MYO9A: variants seen among roughly 807,000 people sequenced by gnomAD.
MYO9A encodes myosin IXA.
A neutral mutation model predicts 293.3 loss-of-function variants in MYO9A; 103 were observed. The observed-to-expected ratio is 0.35, with a 90% CI of 0.30 to 0.41. The LOEUF (loss-of-function observed/expected upper bound fraction) is 0.41, where lower values mean the gene tolerates loss of function less well. MYO9A is among the 10% of genes least tolerant of loss of function. The probability of loss-of-function intolerance (pLI) is 1.00; values close to 1 mark genes in which losing one functional copy is unlikely to be tolerated. For synonymous variants in MYO9A, 1,001 were observed against 1,035.7 expected, an observed-to-expected ratio of 0.97 and a Z score of 0.64; for missense variants, 2,685 against 3,033.0, an observed-to-expected ratio of 0.89 and a Z score of 2.69.
chr15:71,901,546 C>G (rs56082949), intron 22 of MYO9A, among the ~76,000 whole-genome samples: 1 of 151,724 alleles, frequency 6.6e-6, no homozygotes, highest in Non-Finnish European at 1.5e-5. Flanking sequence ...GGAAGGTGAG[C>G]TGGGTGTGGT....
chr15:71,977,759 C>T (rs1163146370), intron 12 of MYO9A, among the ~76,000 whole-genome samples: 3 of 152,120 alleles, frequency 2.0e-5, no homozygotes, highest in Admixed American at 6.5e-5. Flanking sequence ...AAATTGTGGC[C>T]ACACGCGGTG....
In MYO9A at chr15:71,850,697, C is replaced by T. The variant is rs192904825; in HGVS notation, c.6582-530G>A. ...AGGAGAATCACTTGAACCGGGGAGGCGGAGGTTGCAGTGAGCTGAGATTGC... is the reference window on the plus strand; with the variant it reads ...AGGAGAATCACTTGAACCGGGGAGGTGGAGGTTGCAGTGAGCTGAGATTGC... On this transcript the variant is annotated intron_variant, in intron 37 of 41. Coordinates refer to ENST00000356056, the MANE Select transcript of MYO9A (RefSeq NM_006901.4). Among the ~76,000 whole-genome samples, 24 of 128,524 alleles carry T rather than the reference C, an allele frequency of 1.9e-4. No homozygotes were observed. In the East Asian group the frequency reaches 5.5e-3, roughly 29 times the overall value. 84.3% of individuals were successfully genotyped at this position (128,524 alleles called of 152,430 possible).
chr15:71,967,147 C>T (rs1199834877), intron 13 of MYO9A, among the ~76,000 whole-genome samples: 2 of 152,166 alleles, frequency 1.3e-5, no homozygotes, highest in Non-Finnish European at 2.9e-5. Context: ...TATTTTACTA[C>T]TTTCTCTCAT....
Position 71,880,252 on chromosome 15 carries a change from A to G in MYO9A, c.5622+83T>C, listed in dbSNP as rs187463360. 2.9e-4 allele frequency: 344 copies of G among 1,168,116 alleles called. 1 individual carries two copies. The highest frequency in any genetic ancestry group is 4.1e-4 in the Non-Finnish European group (328 of 801,590). 72.4% of individuals were successfully genotyped at this position (1,168,116 alleles called of 1,614,324 possible). The stretch of plus-strand genomic sequence containing the variant: ...AAGCATGGAAGCATATGTAATTTTG[A>G]TATCTAGAGAGTATATCCTGATATA... On this transcript the variant is annotated intron_variant, in intron 29 of 41. Transcript: ENST00000356056.
chr15:72,053,985 C>T (rs988985207), intron 1 of MYO9A, among the ~76,000 whole-genome samples: 2 of 152,106 alleles, frequency 1.3e-5, no homozygotes, highest in East Asian at 1.9e-4. Flanking sequence ...CATGTAAATG[C>T]TCCAGTTAAA....
intron 1 of MYO9A, among the ~76,000 whole-genome samples, chr15:72,101,035 G>A (rs1236173597): frequency 2.9e-5 from 4 of 136,228 alleles, no homozygotes; most frequent in East Asian, 4.8e-4. Flanking sequence ...TCAGCCCCCC[G>A]CCCGGCCAGC....
chr15:71,872,416 GTTTTCATTAAAA>G (rs2056543278), intron 32 of MYO9A, among the ~76,000 whole-genome samples: 1 of 151,962 alleles, frequency 6.6e-6, no homozygotes, highest in African/African-American at 2.4e-5. Context: ...TATTAAAGTT[GTTTTCATTAAAA>G]TTTTCATTAA....
At chr15:71,917,987 C>CT (rs1288798254) in intron 18 of MYO9A, among the ~76,000 whole-genome samples, 1 of 151,750 alleles carries the variant, frequency 6.6e-6, no homozygotes, top group Non-Finnish European at 1.5e-5. Context: ...AAAAAAAAAA[C>CT]TTTTAAAAAT....
intron 12 of MYO9A, among the ~76,000 whole-genome samples, chr15:71,970,425 G>A (rs1429782551): frequency 6.6e-6 from 1 of 151,816 alleles, no homozygotes; most frequent in East Asian, 1.9e-4. Flanking sequence ...ACACAACTAA[G>A]GATATATTTG....
chr15:72,066,869 C>A (rs954234392), intron 1 of MYO9A, among the ~76,000 whole-genome samples: 1 of 150,704 alleles, frequency 6.6e-6, no homozygotes, highest in African/African-American at 2.4e-5. Flanking sequence ...AGCAAAACTC[C>A]GTCTCAAAAA....
Position 72,088,835 on chromosome 15 carries a change from C to G in MYO9A, c.-72+28845G>C, listed in dbSNP as rs1183303078. Among the ~76,000 whole-genome samples the G allele has an allele frequency of 2.0e-5, 3 of 152,202 alleles. No individual in the cohort carries two copies. In the East Asian group the frequency reaches 5.8e-4, roughly 29 times the overall value. The stretch of plus-strand genomic sequence containing the variant: ...AAAAAAACTGCTCTTCAAATACTAT[C>G]TAAATACAGTCCAGCTAACCCACCA... On this transcript the variant is annotated intron_variant, in intron 1 of 41. Transcript: ENST00000356056.
rs774820945 is a variant in MYO9A at position 71,916,529 on chromosome 15, T to C, written c.2563-37A>G. 5 of 1,581,530 alleles carry C rather than the reference T, an allele frequency of 3.2e-6. No homozygotes were observed. In the East Asian group the frequency reaches 9.0e-5, roughly 28 times the overall value. ...GAAAAAATAAATTGCTCACATAAAT[T>C]AATCTAACAATAAGCCAAAATTCTC... is the stretch of plus-strand genomic sequence containing the variant. On this transcript the variant is annotated intron_variant, in intron 18 of 41. Transcript: ENST00000356056.
chr15:71,942,513 T>C (rs1282668750), intron 15 of MYO9A, among the ~76,000 whole-genome samples: 1 of 152,074 alleles, frequency 6.6e-6, no homozygotes, highest in Non-Finnish European at 1.5e-5. Context: ...TTTTCTGACA[T>C]CTTAGTTTAT....
Position 71,834,973 on chromosome 15 carries a change from C to T in MYO9A, c.6838-4662G>A, listed in dbSNP as rs553724891. ...TACACATAATATAATGATACTACTA[C>T]ATTATAATGTAGTAGTCTAATGTAG... On this transcript the variant is annotated intron_variant, in intron 39 of 41. Transcript: ENST00000356056. Among the ~76,000 whole-genome samples, 7 of 152,010 alleles carry T rather than the reference C, an allele frequency of 4.6e-5. No individual in the cohort carries two copies. In the East Asian group the frequency reaches 1.4e-3, roughly 29 times the overall value.
At position 71,991,191 on chromosome 15, in the gene MYO9A, T is replaced by G. The variant is rs781082100; in HGVS notation, c.1634A>C (p.Glu545Ala). Residue 545 changes from glutamate to alanine, a missense_variant, in exon 11 of 42, where the codon GAA (glutamate) becomes GCA (alanine). This residue lies in a region of MYO9A where 201 missense variants were observed against 245.2 expected (regional missense o/e 0.82). Coordinates refer to ENST00000356056, the MANE Select transcript of MYO9A (RefSeq NM_006901.4). ...ACAGAACTGTTCAAAGCTGTTATTT[T>G]CATAATCTTCAAACCCAAAAATATC... ...VLDIFGFEDYENNSFEQFCIN... is the reference protein window; with the variant it reads ...VLDIFGFEDYANNSFEQFCIN... 1.2e-5 allele frequency: 19 copies of G among 1,609,080 alleles called. No homozygotes were observed. In the Admixed American group the frequency reaches 3.0e-4, roughly 26 times the overall value.
At chr15:72,023,477 G>A (rs563417893) in intron 4 of MYO9A, among the ~76,000 whole-genome samples, 1 of 152,218 alleles carries the variant, frequency 6.6e-6, no homozygotes, top group Non-Finnish European at 1.5e-5. Flanking sequence ...TGGATCACCT[G>A]AGGTCAGGAG....
chr15:71,982,779 A>G (rs1248439943), intron 11 of MYO9A, among the ~76,000 whole-genome samples: 9 of 151,870 alleles, frequency 5.9e-5, no homozygotes, highest in Non-Finnish European at 4.4e-5. Context: ...TGGTAAATAT[A>G]TTTTTCTTTT....
At chr15:71,832,932 CTGAT>C (rs986590733) in intron 39 of MYO9A, among the ~76,000 whole-genome samples, 1 of 151,942 alleles carries the variant, frequency 6.6e-6, no homozygotes, top group African/African-American at 2.4e-5. Flanking sequence ...TTAGCAAATA[CTGAT>C]AGATCACAGA....
At chr15:71,867,616 G>A (rs2056374027) in intron 32 of MYO9A, among the ~76,000 whole-genome samples, 1 of 149,468 alleles carries the variant, frequency 6.7e-6, no homozygotes, top group African/African-American at 2.5e-5. Context: ...AAAAGCAAAT[G>A]GTACTTGAGT....
Sources: gnomAD v4.1 joint callset for allele counts (sites outside exome capture counted in the v4.1 genomes callset) on GRCh38, gnomAD v4.1.1 for gene constraint, gnomAD v4.1.1 regional missense constraint, MANE v1.5 for transcripts, NCBI Gene and HGNC (gene_info 2026-07-23, HGNC 2026-07-21) for gene names.